Variants in TMEM232 observed in about 807,000 individuals in gnomAD.
The protein encoded by TMEM232 is transmembrane protein 232.
In TMEM232, 80 loss-of-function variants were observed where a neutral mutation model predicts 78.8. The observed-to-expected ratio is 1.01, with a 90% CI of 0.85 to 1.22. TMEM232 has a LOEUF of 1.22. Among genes scored for constraint, TMEM232 ranks in the 50% most tolerant of loss-of-function variants. TMEM232 has a pLI of 0.00. For synonymous variants in TMEM232, 297 were observed against 254.3 expected, an observed-to-expected ratio of 1.17 and a Z score of -1.60; for missense variants, 881 against 742.2, an observed-to-expected ratio of 1.19 and a Z score of -2.17.
intron 2 of TMEM232, among the ~76,000 whole-genome samples, chr5:110,407,116 ATAG>A (rs1276930654): frequency 1.3e-5 from 2 of 152,138 alleles, no homozygotes; most frequent in African/African-American, 2.4e-5. Context: ...CAATAAAATG[ATAG>A]TAGTTACTTA....
chr5:110,443,606 T>C (rs923489917), intron 12 of TMEM232, among the ~76,000 whole-genome samples: 6 of 152,060 alleles, frequency 3.9e-5, no homozygotes, highest in African/African-American at 7.2e-5. Context: ...GTACCTAAGG[T>C]GCAAAACAAA....
chr5:110,636,083 A>T (rs1008525383), intron 5 of TMEM232, among the ~76,000 whole-genome samples: 2 of 152,078 alleles, frequency 1.3e-5, no homozygotes, highest in Non-Finnish European at 2.9e-5. Flanking sequence ...CAATTTGGCA[A>T]TAAAATAATG....
chr5:110,411,823 C>G (rs541624441), intron 2 of TMEM232, among the ~76,000 whole-genome samples: 1 of 152,190 alleles, frequency 6.6e-6, no homozygotes, highest in African/African-American at 2.4e-5. Context: ...ATTTGTTTGT[C>G]TATTCATCCA....
At chr5:110,638,743 C>G (rs114480358) in intron 4 of TMEM232, among the ~76,000 whole-genome samples, 2 of 151,992 alleles carry the variant, frequency 1.3e-5, no homozygotes, top group African/African-American at 4.8e-5. Flanking sequence ...TCACCAAGGT[C>G]GAGAGGCTAG....
chr5:110,604,195 T>C (rs1017555729), intron 10 of TMEM232, among the ~76,000 whole-genome samples: 1 of 152,182 alleles, frequency 6.6e-6, no homozygotes, highest in African/African-American at 2.4e-5. Flanking sequence ...TATAATAATA[T>C]ATAAATTGCA....
chr5:110,666,027 T>A (rs1024830705), intron 2 of TMEM232, among the ~76,000 whole-genome samples: 18 of 152,094 alleles, frequency 1.2e-4, no homozygotes, highest in Non-Finnish European at 2.5e-4. Context: ...ATAGCAAGGT[T>A]ATAATAAGCT....
intron 12 of TMEM232, among the ~76,000 whole-genome samples, chr5:110,470,818 C>CA (rs1762588532): frequency 6.6e-6 from 1 of 151,986 alleles, no homozygotes; most frequent in South Asian, 2.1e-4. Flanking sequence ...CACAGAGACA[C>CA]AAAAAAGCAA....
In TMEM232 at chr5:110,568,564, C is replaced by T. The variant is rs1244547717; in HGVS notation, c.1338G>A (p.Trp446Ter). The change falls in exon 11 of 14, where the codon TGG becomes TGA. Residue 446 changes from tryptophan to a stop codon, truncating the protein, a stop_gained. Transcript: ENST00000455884. LOFTEE classifies it high-confidence loss of function. ...GLVYNLVKIS[W>*]ELQGDEEQDG... is the part of the protein sequence containing the mutation. ...CCTGTTCTTCGTCTCCTTGAAGTTC[C>T]CATGAAATTTTCACCAGGTTATACA... 2 of 1,549,566 alleles carry T rather than the reference C, an allele frequency of 1.3e-6. No individual in the cohort carries two copies. The highest frequency in any genetic ancestry group is 2.4e-5 in the South Asian group (2 of 83,964).
intron 2 of TMEM232, among the ~76,000 whole-genome samples, chr5:110,733,717 A>T (rs1798901689): frequency 6.6e-6 from 1 of 152,204 alleles, no homozygotes; most frequent in Non-Finnish European, 1.5e-5. Flanking sequence ...AGGATCAGAA[A>T]AAAAACCTAT....
intron 1 of TMEM232, among the ~76,000 whole-genome samples, chr5:110,696,854 T>C (rs1794848296): frequency 6.6e-6 from 1 of 152,150 alleles, no homozygotes; most frequent in South Asian, 2.1e-4. Context: ...ATCAATATCA[T>C]GAAGATGGCC....
At chr5:110,640,800 A>T in intron 4 of TMEM232, 91 bp downstream of exon 4, 1 of 881,610 alleles carries the variant, frequency 1.1e-6, no homozygotes, top group Non-Finnish European at 1.6e-6. Flanking sequence ...TGTCTTCTGC[A>T]CAATTTTTAA....
chr5:110,507,763 G>A (rs1767098189), intron 12 of TMEM232, among the ~76,000 whole-genome samples: 1 of 152,116 alleles, frequency 6.6e-6, no homozygotes, highest in African/African-American at 2.4e-5. Flanking sequence ...AAGACCCTCA[G>A]GCATTTGAGA....
intron 2 of TMEM232, among the ~76,000 whole-genome samples, chr5:110,665,047 C>T (rs1448342691): frequency 7.2e-5 from 11 of 152,070 alleles, no homozygotes; most frequent in African/African-American, 2.4e-4. Flanking sequence ...GTTGGGACTT[C>T]AACATATGAA....
At chr5:110,725,068 A>G (rs1030141426) in intron 1 of TMEM232, among the ~76,000 whole-genome samples, 5 of 152,194 alleles carry the variant, frequency 3.3e-5, no homozygotes, top group Non-Finnish European at 5.9e-5. Flanking sequence ...AAATGAATTC[A>G]TTTGGTTTTA....
chr5:110,580,620 A>G (rs1324675279), intron 10 of TMEM232, among the ~76,000 whole-genome samples: 1 of 151,748 alleles, frequency 6.6e-6, no homozygotes, highest in Non-Finnish European at 1.5e-5. Flanking sequence ...GGAAATTTCA[A>G]TAATAAGGAT....
chr5:110,673,057 T>G (rs1791569906), intron 1 of TMEM232, among the ~76,000 whole-genome samples: 2 of 152,128 alleles, frequency 1.3e-5, no homozygotes, highest in African/African-American at 4.8e-5. Flanking sequence ...CCAACCCAAA[T>G]GTCCAACAAT....
At chr5:110,448,486 T>C (rs1481798469) in intron 12 of TMEM232, among the ~76,000 whole-genome samples, 2 of 152,174 alleles carry the variant, frequency 1.3e-5, no homozygotes, top group South Asian at 2.1e-4. Flanking sequence ...GAACACTCAA[T>C]TACATTAAAC....
At chr5:110,609,397 A>C (rs1051362034) in intron 8 of TMEM232, among the ~76,000 whole-genome samples, 2 of 152,122 alleles carry the variant, frequency 1.3e-5, no homozygotes, top group African/African-American at 4.8e-5. Context: ...AACTTTTTTT[A>C]AAAATAATAA....
At chr5:110,469,870 A>G (rs1356614988) in intron 12 of TMEM232, among the ~76,000 whole-genome samples, 2 of 152,182 alleles carry the variant, frequency 1.3e-5, no homozygotes, top group Non-Finnish European at 2.9e-5. Context: ...TACAGTCCAT[A>G]AAACTCTAAC....
Sources: allele counts gnomAD v4.1 joint callset (sites outside exome capture counted in the v4.1 genomes callset), GRCh38; gene constraint gnomAD v4.1.1; transcripts MANE v1.5; gene names NCBI Gene and HGNC (gene_info 2026-07-23, HGNC 2026-07-21).